NPM1: variants seen among roughly 807,000 people sequenced by gnomAD.
The protein encoded by NPM1 is nucleophosmin.
In NPM1, 1 loss-of-function variant was observed where a neutral mutation model predicts 44.1. That is an observed-to-expected ratio of 0.02 (90% CI 0.01 to 0.11). The LOEUF (loss-of-function observed/expected upper bound fraction) is 0.11, where lower values mean the gene tolerates loss of function less well. NPM1 is among the 10% of genes least tolerant of loss of function. The pLI, the probability that NPM1 is intolerant of heterozygous loss-of-function variation, is 1.00. For missense variants in NPM1, 197 were observed against 347.8 expected (o/e 0.57, Z 3.45); for synonymous variants, 126 against 111.8 (o/e 1.13, Z -0.80).
At chr5:171,406,338 C>G in intron 9 of NPM1, 1 of 1,476,702 alleles carries the variant, frequency 6.8e-7, no homozygotes, top group Non-Finnish European at 9.5e-7. Context: ...AAAATGACAT[C>G]TTTTAGATGC....
Position 171,390,101 on chromosome 5 carries a change from GA to G in NPM1, c.113del (p.Asn38MetfsTer7). 6.6e-7 allele frequency: 1 copy of G among 1,525,892 alleles called. No individual in the cohort carries two copies. The highest frequency in any genetic ancestry group is 8.8e-7 in the Non-Finnish European group (1 of 1,133,180). 94.5% of individuals were successfully genotyped at this position (1,525,892 alleles called of 1,614,324 possible). ...KDYHFKVDND[E>X]NEHQLSLRTV... Reference sequence around the variant, plus strand: ...TTATCACTTTAAGGTGGATAATGATGAAAATGAGCACCAGTTATCTTTAAGA... The same window carrying G: ...TTATCACTTTAAGGTGGATAATGATGAAATGAGCACCAGTTATCTTTAAGA... On this transcript the variant is annotated frameshift_variant, in exon 2 of 11. Transcript: ENST00000296930. LOFTEE classifies it high-confidence loss of function.
chr5:171,388,120 C>T (rs1218434194), intron 1 of NPM1, 114 bp downstream of exon 1: 3 of 953,238 alleles, frequency 3.1e-6, no homozygotes, highest in Non-Finnish European at 4.9e-6. Context: ...GCCAGACCGA[C>T]GGGAGGCCTG....
chr5:171,406,187 C>T (rs142462610), intron 9 of NPM1, among the ~76,000 whole-genome samples: 30 of 152,164 alleles, frequency 2.0e-4, no homozygotes, highest in African/African-American at 4.8e-4. Context: ...ATAGATTTTT[C>T]GTGGCTTCAG....
In NPM1 at chr5:171,387,898, T is replaced by G. The variant is rs1261763614; in HGVS notation, c.-51T>G. On this transcript the variant is annotated 5_prime_UTR_variant, in exon 1 of 11. Coordinates refer to ENST00000296930, the MANE Select transcript of NPM1 (RefSeq NM_002520.7). The stretch of plus-strand genomic sequence containing the variant: ...GCGCGGTTGTTCTCTGGAGCAGCGT[T>G]CTTTTATCTCCGTCCGCCTTCTCTC... 6.4e-7 allele frequency: 1 copy of G among 1,570,252 alleles called. No homozygotes were observed. The highest frequency in any genetic ancestry group is 1.7e-5 in the Admixed American group (1 of 59,864).
chr5:171,391,229 G>T, intron 2 of NPM1, 76 bp from the exon 3 acceptor site: 1 of 1,522,348 alleles, frequency 6.6e-7, no homozygotes, highest in Non-Finnish European at 8.9e-7. Flanking sequence ...ACGCATGGCT[G>T]CATATAACAT....
rs1052205641 is a variant in NPM1 at position 171,410,673 on chromosome 5, C to T, written c.*108C>T. 3.8e-5 allele frequency: 24 copies of T among 630,246 alleles called. No individual in the cohort carries two copies. The highest frequency in any genetic ancestry group is 3.5e-4 in the African/African-American group (19 of 54,064). 39.0% of individuals were successfully genotyped at this position (630,246 alleles called of 1,614,324 possible). A position where few individuals can be genotyped will look rare whatever the true frequency, so the allele number is the denominator to read the frequency against. ...AATGCAGAGTGAGAACTTTCCCTAC[C>T]GTGTTTGATAAATGTTGTCCAGGTT... On this transcript the variant is annotated 3_prime_UTR_variant, in exon 11 of 11. Transcript: ENST00000296930.
At chr5:171,393,093 G>T (rs910953210) in intron 6 of NPM1, 115 bp downstream of exon 6, 7 of 1,349,704 alleles carry the variant, frequency 5.2e-6, no homozygotes, top group Middle Eastern at 2.6e-4. Flanking sequence ...GCCATCCTAT[G>T]TAATAGTTTA....
chr5:171,404,261 G>T lies in NPM1; in HGVS notation c.670-1041G>T, dbSNP rs1323001453. Among the ~76,000 whole-genome samples, 3 of 107,948 alleles carry T rather than the reference G, an allele frequency of 2.8e-5. 1 individual carries two copies. The highest frequency in any genetic ancestry group is 2.7e-4 in the Admixed American group (3 of 11,122). The allele number at this position is 107,948 out of a possible 152,430, so 70.8% of individuals were successfully genotyped here. A position where few individuals can be genotyped will look rare whatever the true frequency, so the allele number is the denominator to read the frequency against. ...CCCCCCCCCACCTCCCTCCCGGACG[G>T]GGTGGCTGCTGGGCGGAGATGCTCC... On this transcript the variant is annotated intron_variant, in intron 8 of 10. Coordinates refer to ENST00000296930, the MANE Select transcript of NPM1 (RefSeq NM_002520.7).
At chr5:171,405,955 C>T (rs745323980) in intron 9 of NPM1, among the ~76,000 whole-genome samples, 2 of 152,064 alleles carry the variant, frequency 1.3e-5, no homozygotes, top group South Asian at 2.1e-4. Context: ...ATCTAGTTTC[C>T]TTTTGTCTTA....
In NPM1 at chr5:171,407,379, G is replaced by A. The variant is rs146456687; in HGVS notation, c.772-321G>A. 192 of 307,750 alleles carry A rather than the reference G, an allele frequency of 6.2e-4. 1 individual carries two copies. Among genetic ancestry groups the A allele is most frequent in the Middle Eastern group, 5.7e-3 (6 of 1,048 alleles). 19.1% of individuals were successfully genotyped at this position (307,750 alleles called of 1,614,324 possible). A position where few individuals can be genotyped will look rare whatever the true frequency, so the allele number is the denominator to read the frequency against. On this transcript the variant is annotated intron_variant, in intron 9 of 10. Transcript: ENST00000296930. Reference sequence around the variant, plus strand: ...TTGTATTTGGTTCTGGGTGATAACCGACTTGTTAGATAATTTAGATAAGCA... The same window carrying A: ...TTGTATTTGGTTCTGGGTGATAACCAACTTGTTAGATAATTTAGATAAGCA...
chr5:171,407,685 C>T lies in NPM1; in HGVS notation c.772-15C>T, dbSNP rs1561876965. 1 of 1,515,914 alleles carries T rather than the reference C, an allele frequency of 6.6e-7. No homozygotes were observed. The highest frequency in any genetic ancestry group is 2.3e-5 in the East Asian group (1 of 44,380). 93.9% of individuals were successfully genotyped at this position (1,515,914 alleles called of 1,614,324 possible). A position where few individuals can be genotyped will look rare whatever the true frequency, so the allele number is the denominator to read the frequency against. On this transcript the variant is annotated splice_polypyrimidine_tract_variant and intron_variant, in intron 9 of 10. Coordinates refer to ENST00000296930, the MANE Select transcript of NPM1 (RefSeq NM_002520.7). ...ATTTCTCTACTTACCTGTAATAATG[C>T]TTTTGTCTTAATAGGGTGGTTCTCT...
At chr5:171,397,334 G>A (rs1347069793) in intron 6 of NPM1, among the ~76,000 whole-genome samples, 1 of 152,222 alleles carries the variant, frequency 6.6e-6, no homozygotes, top group Non-Finnish European at 1.5e-5. Flanking sequence ...ATGAACGCTT[G>A]TAGACATGTC....
chr5:171,395,318 T>C lies in NPM1; in HGVS notation c.524+2340T>C, dbSNP rs78852248. On this transcript the variant is annotated intron_variant, in intron 6 of 10. Coordinates refer to ENST00000296930, the MANE Select transcript of NPM1 (RefSeq NM_002520.7). ...TTTTTTTTGTGGGATTTTTTTTTTT[T>C]CGGCAAGTCTCGCTCTTGTGCCCCA... Among the ~76,000 whole-genome samples the C allele has an allele frequency of 5.1e-4, 78 of 152,152 alleles. 1 individual carries two copies. In the East Asian group the frequency reaches 6.0e-3, roughly 12 times the overall value.
intron 8 of NPM1, among the ~76,000 whole-genome samples, chr5:171,404,878 C>T (rs943422390): frequency 5.9e-5 from 9 of 152,158 alleles, no homozygotes; most frequent in Non-Finnish European, 1.2e-4. Context: ...CTCTGTCTGC[C>T]CTGATTTCCT....
chr5:171,391,521 G>T, intron 3 of NPM1, 97 bp downstream of exon 3: 1 of 1,479,946 alleles, frequency 6.8e-7, no homozygotes, highest in Middle Eastern at 1.8e-4. Flanking sequence ...GATAGAAAGT[G>T]GTTCTTTATC....
chr5:171,409,995 C>T (rs1304140037), intron 10 of NPM1, among the ~76,000 whole-genome samples: 2 of 152,062 alleles, frequency 1.3e-5, no homozygotes, highest in Non-Finnish European at 2.9e-5. Context: ...AGGGTTTCAC[C>T]ATGTTGCCCA....
chr5:171,404,090 C>T (rs1206662188), intron 8 of NPM1, among the ~76,000 whole-genome samples: 3 of 72,406 alleles, frequency 4.1e-5, no homozygotes, highest in Non-Finnish European at 8.3e-5. Flanking sequence ...GGGGGCTGAC[C>T]CCCCCACCTC....
intron 6 of NPM1, among the ~76,000 whole-genome samples, chr5:171,398,995 C>T (rs1008440844): frequency 6.6e-6 from 1 of 151,958 alleles, no homozygotes; most frequent in Admixed American, 6.5e-5. Flanking sequence ...GGATTACAGG[C>T]GCCCGCCACC....
At chr5:171,403,532 A>G (rs1407541680) in intron 8 of NPM1, among the ~76,000 whole-genome samples, 1 of 119,548 alleles carries the variant, frequency 8.4e-6, no homozygotes, top group African/African-American at 3.1e-5. Context: ...CACACCTCCC[A>G]GACGGGGTGG....
Sources: gnomAD v4.1 joint callset for allele counts (sites outside exome capture counted in the v4.1 genomes callset) on GRCh38, gnomAD v4.1.1 for gene constraint, MANE v1.5 for transcripts, NCBI Gene and HGNC (gene_info 2026-07-23, HGNC 2026-07-21) for gene names.